GRID2: variants seen among roughly 807,000 people sequenced by gnomAD.
GRID2 encodes the protein glutamate ionotropic receptor delta type subunit 2.
A neutral mutation model predicts 114.8 loss-of-function variants in GRID2; 33 were observed. The observed-to-expected ratio is 0.29, with a 90% CI of 0.22 to 0.38. The LOEUF (loss-of-function observed/expected upper bound fraction) is 0.38. GRID2 is among the 10% of genes least tolerant of loss of function. The pLI is 1.00. For missense variants in GRID2, 1,184 were observed against 1,257.7 expected (o/e 0.94, Z 0.89); for synonymous variants, 505 against 449.9 (o/e 1.12, Z -1.55).
chr4:93,075,994 C>T (rs1157093237), intron 2 of GRID2, among the ~76,000 whole-genome samples: 1 of 148,664 alleles, frequency 6.7e-6, no homozygotes, highest in Admixed American at 6.7e-5. Flanking sequence ...AGCTCCGCCT[C>T]CTGGGTTCAC....
chr4:93,402,845 C>T (rs1397031801), intron 9 of GRID2, among the ~76,000 whole-genome samples: 1 of 152,066 alleles, frequency 6.6e-6, no homozygotes, highest in African/African-American at 2.4e-5. Flanking sequence ...TATAACTAAA[C>T]AAATGCCTCC....
chr4:92,679,115 C>T (rs1479331), intron 2 of GRID2, among the ~76,000 whole-genome samples: 3 of 152,034 alleles, frequency 2.0e-5, no homozygotes, highest in Admixed American at 2.0e-4. Context: ...GAACTCTTCT[C>T]TGTTAAACCA....
chr4:92,983,304 G>A (rs560912824), intron 2 of GRID2, among the ~76,000 whole-genome samples: 1 of 152,034 alleles, frequency 6.6e-6, no homozygotes, highest in South Asian at 2.1e-4. Context: ...TCATTACATG[G>A]CTGAAGGTGA....
intron 14 of GRID2, among the ~76,000 whole-genome samples, chr4:93,741,190 T>TATATATATGTATATATATATAC (rs1175550300): frequency 6.5e-5 from 2 of 30,716 alleles, no homozygotes; most frequent in African/African-American, 2.3e-4. Context: ...TATATATATA[T>TATATATATGTATATATATATAC]ATATATATAT....
At chr4:92,996,314 AT>A (rs1321044295) in intron 2 of GRID2, among the ~76,000 whole-genome samples, 8 of 152,064 alleles carry the variant, frequency 5.3e-5, no homozygotes, top group African/African-American at 1.4e-4. Flanking sequence ...AATAAAAAAA[AT>A]AAAAAATAAT....
intron 1 of GRID2, among the ~76,000 whole-genome samples, chr4:92,576,106 C>T (rs1429882244): frequency 6.6e-6 from 1 of 152,224 alleles, no homozygotes; most frequent in Admixed American, 6.5e-5. Context: ...CGAGGGCACT[C>T]TGTACCAGAG....
chr4:92,739,738 GA>G (rs1489012389), intron 2 of GRID2, among the ~76,000 whole-genome samples: 1 of 152,054 alleles, frequency 6.6e-6, no homozygotes, highest in Non-Finnish European at 1.5e-5. Context: ...TCACAAAGGA[GA>G]AAAGAAGTTA....
chr4:93,009,494 A>G (rs571134600), intron 2 of GRID2, among the ~76,000 whole-genome samples: 26 of 152,112 alleles, frequency 1.7e-4, no homozygotes, highest in Non-Finnish European at 2.5e-4. Flanking sequence ...TTTGGAGAAA[A>G]ATCTTCCTTA....
chr4:93,238,724 C>A (rs2149512958), intron 8 of GRID2, among the ~76,000 whole-genome samples: 1 of 151,820 alleles, frequency 6.6e-6, no homozygotes, highest in South Asian at 2.1e-4. Flanking sequence ...TAATCTGAAT[C>A]TTACCTAGGG....
chr4:93,663,868 G>T lies in GRID2; in HGVS notation c.2360+37433G>T, dbSNP rs1723722091. Among the ~76,000 whole-genome samples the T allele has an allele frequency of 1.3e-5, 2 of 152,140 alleles. 1 individual carries two copies. The highest frequency in any genetic ancestry group is 1.3e-4 in the Admixed American group (2 of 15,270). On this transcript the variant is annotated intron_variant, in intron 14 of 15. Coordinates refer to ENST00000282020, the MANE Select transcript of GRID2 (RefSeq NM_001510.4). The stretch of plus-strand genomic sequence containing the variant: ...AGAAAATGTGGGAGATTGCTTTAGT[G>T]TATGCTATGTGGGATCATCTTTCTC...
At chr4:93,698,832 T>G (rs1423102401) in intron 14 of GRID2, among the ~76,000 whole-genome samples, 1 of 152,058 alleles carries the variant, frequency 6.6e-6, no homozygotes, top group East Asian at 1.9e-4. Context: ...ATGTGATAGG[T>G]TAAAAGCAAA....
At chr4:92,723,291 C>G (rs1020800614) in intron 2 of GRID2, among the ~76,000 whole-genome samples, 1 of 152,034 alleles carries the variant, frequency 6.6e-6, no homozygotes, top group Non-Finnish European at 1.5e-5. Context: ...CTTTTACTTT[C>G]AGAAAAATTT....
chr4:93,373,182 A>T (rs143038922), intron 8 of GRID2, among the ~76,000 whole-genome samples: 1 of 152,074 alleles, frequency 6.6e-6, no homozygotes, highest in Non-Finnish European at 1.5e-5. Flanking sequence ...CCCTTACCTC[A>T]GAACTTGCTA....
At chr4:92,519,549 T>G (rs1724666885) in intron 1 of GRID2, among the ~76,000 whole-genome samples, 1 of 151,322 alleles carries the variant, frequency 6.6e-6, no homozygotes, top group South Asian at 2.1e-4. Flanking sequence ...CCTCTGGGTC[T>G]TCAGAGAACC....
chr4:92,762,381 T>A (rs530046404), intron 2 of GRID2, among the ~76,000 whole-genome samples: 1 of 152,168 alleles, frequency 6.6e-6, no homozygotes, highest in South Asian at 2.1e-4. Flanking sequence ...GTCAAATGAA[T>A]ACTCCTTTAA....
chr4:92,816,359 T>C (rs1325830149), intron 2 of GRID2, among the ~76,000 whole-genome samples: 2 of 147,524 alleles, frequency 1.4e-5, no homozygotes, highest in Non-Finnish European at 3.0e-5. Flanking sequence ...TTACTAAAGA[T>C]GTACCTTAAC....
At chr4:93,299,212 G>A (rs768795755) in intron 8 of GRID2, among the ~76,000 whole-genome samples, 23 of 152,072 alleles carry the variant, frequency 1.5e-4, no homozygotes, top group African/African-American at 3.4e-4. Context: ...TCAGGCACTC[G>A]TAGCCCACTA....
intron 2 of GRID2, among the ~76,000 whole-genome samples, chr4:92,709,804 A>G (rs1735150723): frequency 1.3e-5 from 2 of 151,888 alleles, no homozygotes; most frequent in African/African-American, 2.4e-5. Flanking sequence ...AAGGTCAAAT[A>G]TATTTCCTTT....
chr4:93,125,982 C>G (rs1272539498), intron 4 of GRID2, among the ~76,000 whole-genome samples: 1 of 152,128 alleles, frequency 6.6e-6, no homozygotes, highest in African/African-American at 2.4e-5. Context: ...GAATAACATT[C>G]CCAATCACAT....
Sources: gnomAD v4.1 joint callset for allele counts (sites outside exome capture counted in the v4.1 genomes callset) on GRCh38, gnomAD v4.1.1 for gene constraint, MANE v1.5 for transcripts, NCBI Gene and HGNC (gene_info 2026-07-23, HGNC 2026-07-21) for gene names.